The following PLCB4 variants were observed in gnomAD, a reference collection of about 807,000 sequenced individuals.
PLCB4 encodes the protein phospholipase C beta 4.
Under a neutral mutation model 178.8 loss-of-function variants are expected in PLCB4, and 77 were observed. The observed-to-expected ratio is 0.43, with a 90% CI of 0.36 to 0.52. The LOEUF (loss-of-function observed/expected upper bound fraction) is 0.52, where lower values mean the gene tolerates loss of function less well. Ranked by LOEUF, PLCB4 falls within the 20% of genes least tolerant of loss-of-function variation. The probability of loss-of-function intolerance (pLI) is 0.00; values close to 1 mark genes in which losing one functional copy is unlikely to be tolerated. For synonymous variants in PLCB4, 496 were observed against 490.8 expected, an observed-to-expected ratio of 1.01 and a Z score of -0.14; for missense variants, 1,024 against 1,453.4, an observed-to-expected ratio of 0.70 and a Z score of 4.80.
chr20:9,305,855 T>C (rs2327163), intron 3 of PLCB4, among the ~76,000 whole-genome samples: 88,162 of 151,948 alleles, frequency 0.58, 27,541 homozygotes, highest in Middle Eastern at 0.74. Flanking sequence ...CTGATATCAG[T>C]CTCATCGTCA....
chr20:9,237,243 T>C (rs1242736031), intron 3 of PLCB4, among the ~76,000 whole-genome samples: 4 of 152,200 alleles, frequency 2.6e-5, no homozygotes, highest in African/African-American at 4.8e-5. Flanking sequence ...AGGATGTGTG[T>C]GTGTGCATAC....
intron 2 of PLCB4, among the ~76,000 whole-genome samples, chr20:9,117,899 C>T (rs906153507): frequency 1.3e-5 from 2 of 152,152 alleles, no homozygotes; most frequent in Non-Finnish European, 2.9e-5. Context: ...TTTTTGGTCA[C>T]ATTCTTTTCT....
intron 2 of PLCB4, among the ~76,000 whole-genome samples, chr20:9,105,990 A>G (rs953983680): frequency 6.6e-6 from 1 of 152,094 alleles, no homozygotes; most frequent in East Asian, 1.9e-4. Flanking sequence ...TCAAAATGTC[A>G]GCAACCATCT....
At chr20:9,126,726 A>T (rs2092123714) in intron 2 of PLCB4, among the ~76,000 whole-genome samples, 1 of 151,964 alleles carries the variant, frequency 6.6e-6, no homozygotes, top group African/African-American at 2.4e-5. Context: ...GCAGCCTTGG[A>T]AATGCAAGAG....
chr20:9,319,861 T>A (rs531209096), intron 4 of PLCB4, among the ~76,000 whole-genome samples: 1 of 152,292 alleles, frequency 6.6e-6, no homozygotes, highest in African/African-American at 2.4e-5. Context: ...CCCAGTCAAG[T>A]TGACATATAA....
intron 3 of PLCB4, among the ~76,000 whole-genome samples, chr20:9,244,625 G>A (rs2094104948): frequency 6.6e-6 from 1 of 152,204 alleles, no homozygotes; most frequent in South Asian, 2.1e-4. Flanking sequence ...AGTTTAGTCA[G>A]TCTGTTCAGG....
intron 3 of PLCB4, among the ~76,000 whole-genome samples, chr20:9,243,623 G>A (rs868204985): frequency 1.2e-4 from 19 of 152,308 alleles, no homozygotes; most frequent in African/African-American, 4.3e-4. Flanking sequence ...TTTGAAAAGC[G>A]CATAGCCTTT....
At chr20:9,087,658 A>G (rs1486918401) in intron 1 of PLCB4, among the ~76,000 whole-genome samples, 1 of 152,154 alleles carries the variant, frequency 6.6e-6, no homozygotes, top group Non-Finnish European at 1.5e-5. Flanking sequence ...TCTCCTACAC[A>G]TTATCTGGCT....
chr20:9,137,151 G>A (rs758333850), intron 2 of PLCB4, among the ~76,000 whole-genome samples: 31 of 152,048 alleles, frequency 2.0e-4, no homozygotes, highest in Non-Finnish European at 4.3e-4. Context: ...CCTAGGACAC[G>A]TCATATTCCC....
intron 29 of PLCB4, among the ~76,000 whole-genome samples, chr20:9,436,159 A>G: frequency 6.6e-6 from 1 of 152,204 alleles, no homozygotes; most frequent in East Asian, 1.9e-4. Context: ...TTTTCTGTTT[A>G]GACTTGGGTC....
At chr20:9,311,648 A>G (rs1353806538) in intron 4 of PLCB4, among the ~76,000 whole-genome samples, 1 of 152,170 alleles carries the variant, frequency 6.6e-6, no homozygotes, top group Non-Finnish European at 1.5e-5. Flanking sequence ...GAAAACTTCA[A>G]AATTCAAGTC....
intron 3 of PLCB4, among the ~76,000 whole-genome samples, chr20:9,226,163 T>C (rs1477328102): frequency 1.3e-5 from 2 of 152,160 alleles, no homozygotes; most frequent in African/African-American, 4.8e-5. Flanking sequence ...ACCCTTTCCG[T>C]ATGGCTGGAG....
intron 30 of PLCB4, among the ~76,000 whole-genome samples, chr20:9,438,259 A>T (rs1351120202): frequency 2.0e-5 from 3 of 151,994 alleles, no homozygotes; most frequent in African/African-American, 7.2e-5. Context: ...CCAGCTGCTC[A>T]GGAGGCTGAG....
intron 3 of PLCB4, among the ~76,000 whole-genome samples, chr20:9,303,407 G>T (rs1398876087): frequency 6.6e-6 from 1 of 152,182 alleles, no homozygotes; most frequent in African/African-American, 2.4e-5. Context: ...AACTGTTATA[G>T]ATTCCACATG....
intron 2 of PLCB4, among the ~76,000 whole-genome samples, chr20:9,187,631 A>C (rs1267727307): frequency 1.3e-5 from 2 of 152,224 alleles, no homozygotes; most frequent in African/African-American, 4.8e-5. Flanking sequence ...TGGAAATAAA[A>C]CTACTGTATA....
intron 2 of PLCB4, among the ~76,000 whole-genome samples, chr20:9,125,039 T>C (rs183966338): frequency 3.7e-4 from 56 of 152,302 alleles, no homozygotes; most frequent in South Asian, 1.2e-3. Flanking sequence ...GCCCCATTAA[T>C]TTATTTCAAG....
chr20:9,457,607 C>T, intron 34 of PLCB4, 118 bp downstream of exon 34: 1 of 665,838 alleles, frequency 1.5e-6, no homozygotes, highest in Non-Finnish European at 2.8e-6. Flanking sequence ...TAGTAGCCTG[C>T]AGCTGATCTG....
chr20:9,393,775 T>G (rs1156622660), intron 18 of PLCB4, 97 bp downstream of exon 18: 27 of 799,730 alleles, frequency 3.4e-5, no homozygotes, highest in Middle Eastern at 2.3e-4. Context: ...CACTGATTTT[T>G]GGGGGAAGGG....
intron 1 of PLCB4, among the ~76,000 whole-genome samples, chr20:9,076,955 T>A (rs1044703861): frequency 8.5e-5 from 13 of 152,154 alleles, no homozygotes; most frequent in African/African-American, 3.1e-4. Flanking sequence ...CATTCCCAGA[T>A]ACAGTCATTG....
Sources: allele counts gnomAD v4.1 joint callset (sites outside exome capture counted in the v4.1 genomes callset), GRCh38; gene constraint gnomAD v4.1.1; transcripts MANE v1.5; gene names NCBI Gene and HGNC (gene_info 2026-07-23, HGNC 2026-07-21).